KIF27: variants seen among roughly 807,000 people sequenced by gnomAD.
KIF27 encodes kinesin family member 27.
In KIF27, 84 loss-of-function variants were observed where a neutral mutation model predicts 141.8. That is an observed-to-expected ratio of 0.59 (90% CI 0.50 to 0.71). The LOEUF is 0.71. KIF27 is among the 30% of genes least tolerant of loss of function. KIF27 has a pLI of 0.00. For missense variants in KIF27, 1,306 were observed against 1,628.4 expected (o/e 0.80, Z 3.41); for synonymous variants, 471 against 569.5 (o/e 0.83, Z 2.46).
chr9:83,855,504 T>C (rs1318491158), intron 14 of KIF27, among the ~76,000 whole-genome samples: 1 of 152,234 alleles, frequency 6.6e-6, no homozygotes, highest in Non-Finnish European at 1.5e-5. Context: ...TAAAATGTAC[T>C]TAGGTGAATG....
At chr9:83,876,787 A>G (rs1015471244) in intron 11 of KIF27, among the ~76,000 whole-genome samples, 1 of 152,206 alleles carries the variant, frequency 6.6e-6, no homozygotes, top group Non-Finnish European at 1.5e-5. Flanking sequence ...TTAAAAATAA[A>G]AATTGGGGCC....
At position 83,835,089 on chromosome 9, in the gene KIF27, ATAAT is replaced by A. The variant is rs912077799; in HGVS notation, c.*1908_*1911del. Among the ~76,000 whole-genome samples, 160 of 150,112 alleles carry A rather than the reference ATAAT, an allele frequency of 1.1e-3. 1 individual carries two copies. Among genetic ancestry groups the A allele is most frequent in the African/African-American group, 3.6e-3 (147 of 41,220 alleles). On this transcript the variant is annotated 3_prime_UTR_variant, in exon 18 of 18. Transcript: ENST00000297814. ...ATTATGTGCTATGCCTTAGTTAGAA[ATAAT>A]TAATTTACACATACTTGTTTTACTT...
chr9:83,914,274 C>A (rs1955478497), intron 2 of KIF27, among the ~76,000 whole-genome samples: 1 of 150,098 alleles, frequency 6.7e-6, no homozygotes, highest in South Asian at 2.1e-4. Context: ...AAACTGAATT[C>A]TTTTTATTGT....
At chr9:83,858,216 G>T (rs931108778) in intron 14 of KIF27, 2 of 151,978 alleles carry the variant, frequency 1.3e-5, no homozygotes, top group Non-Finnish European at 2.9e-5. Context: ...CTGCCACTTA[G>T]CCCCCAATCA....
chr9:83,868,859 A>G lies in KIF27; in HGVS notation c.2758-999T>C, dbSNP rs181974572. Among the ~76,000 whole-genome samples the G allele has an allele frequency of 3.5e-3, 531 of 152,328 alleles. 1 individual carries two copies. The highest frequency in any genetic ancestry group is 9.9e-3 in the African/African-American group (413 of 41,584). On this transcript the variant is annotated intron_variant, in intron 12 of 17. Transcript: ENST00000297814. ...CAATATATTAATAGTATAATCTTAT[A>G]AGCACTATCATGTCCAGATAACACT...
chr9:83,870,276 C>T (rs1453764115), intron 12 of KIF27, among the ~76,000 whole-genome samples: 1 of 152,132 alleles, frequency 6.6e-6, no homozygotes, highest in African/African-American at 2.4e-5. Flanking sequence ...AAGCGATTCT[C>T]CTGCCTCAGC....
At chr9:83,857,191 G>T (rs1333749720) in intron 14 of KIF27, among the ~76,000 whole-genome samples, 4 of 151,620 alleles carry the variant, frequency 2.6e-5, no homozygotes, top group African/African-American at 9.7e-5. Flanking sequence ...AATAAAATTA[G>T]GAAAAATATT....
At chr9:83,912,974 T>C (rs1408793683) in intron 2 of KIF27, among the ~76,000 whole-genome samples, 1 of 150,518 alleles carries the variant, frequency 6.6e-6, no homozygotes, top group African/African-American at 2.4e-5. Context: ...CTGGACAACA[T>C]GGCAAAACCC....
chr9:83,860,715 C>T (rs1949799657), intron 13 of KIF27, among the ~76,000 whole-genome samples: 1 of 152,178 alleles, frequency 6.6e-6, no homozygotes, highest in African/African-American at 2.4e-5. Context: ...CATCCATCCT[C>T]CTGCTCCACA....
At chr9:83,874,155 T>C (rs1266520851) in intron 11 of KIF27, among the ~76,000 whole-genome samples, 1 of 152,202 alleles carries the variant, frequency 6.6e-6, no homozygotes, top group African/African-American at 2.4e-5. Flanking sequence ...CATATTAAAA[T>C]AACTGTGTAC....
At chr9:83,861,154 T>C (rs1357946370) in intron 13 of KIF27, among the ~76,000 whole-genome samples, 1 of 151,490 alleles carries the variant, frequency 6.6e-6, no homozygotes, top group Admixed American at 6.6e-5. Context: ...GGTACTCATT[T>C]TGCTGGCCCC....
intron 15 of KIF27, among the ~76,000 whole-genome samples, chr9:83,852,298 A>G (rs1564298906): frequency 6.7e-6 from 1 of 149,936 alleles, no homozygotes. Flanking sequence ...AAAAATACAA[A>G]AAAAATTAGC....
chr9:83,871,851 G>A (rs945587490), intron 11 of KIF27, among the ~76,000 whole-genome samples: 4 of 151,820 alleles, frequency 2.6e-5, no homozygotes, highest in African/African-American at 9.7e-5. Context: ...ACCACACCTG[G>A]CTAATTTTTG....
intron 3 of KIF27, 39 bp from the exon 4 acceptor site, chr9:83,904,057 A>G (rs750149348): frequency 3.4e-6 from 5 of 1,489,636 alleles, no homozygotes; most frequent in Non-Finnish European, 4.5e-6. Flanking sequence ...CCAAGTTTTC[A>G]TCAAAACCTA....
intron 14 of KIF27, among the ~76,000 whole-genome samples, chr9:83,857,544 C>G (rs1949379936): frequency 6.6e-6 from 1 of 152,196 alleles, no homozygotes; most frequent in Non-Finnish European, 1.5e-5. Flanking sequence ...ATGCGCCATA[C>G]TATATTTTCA....
At chr9:83,878,443 T>C (rs1951409480) in intron 11 of KIF27, among the ~76,000 whole-genome samples, 2 of 152,130 alleles carry the variant, frequency 1.3e-5, no homozygotes, top group African/African-American at 2.4e-5. Flanking sequence ...CAGAGACTTA[T>C]TTGTATGCCA....
chr9:83,886,422 C>A (rs1440694547), intron 9 of KIF27, among the ~76,000 whole-genome samples: 1 of 152,076 alleles, frequency 6.6e-6, no homozygotes, highest in Non-Finnish European at 1.5e-5. Flanking sequence ...TGGTGACTAA[C>A]AAAAGTTGTC....
chr9:83,885,573 AT>A (rs559631097), intron 9 of KIF27, among the ~76,000 whole-genome samples: 437 of 152,292 alleles, frequency 2.9e-3, no homozygotes, highest in Admixed American at 7.2e-3. Flanking sequence ...CTATTCATTA[AT>A]TGTTCAACAC....
chr9:83,879,529 T>C (rs1951504428), intron 11 of KIF27, among the ~76,000 whole-genome samples: 1 of 151,946 alleles, frequency 6.6e-6, no homozygotes, highest in African/African-American at 2.4e-5. Flanking sequence ...AATCTCCAAT[T>C]ATGTCCCATG....
Sources: allele counts gnomAD v4.1 joint callset (sites outside exome capture counted in the v4.1 genomes callset), GRCh38; gene constraint gnomAD v4.1.1; transcripts MANE v1.5; gene names NCBI Gene and HGNC (gene_info 2026-07-23, HGNC 2026-07-21).